ATP11C: variants seen among roughly 807,000 people sequenced by gnomAD.
The protein encoded by ATP11C is phospholipid-transporting ATPase IG.
ATP11C carries 36 observed loss-of-function variants against 97.4 expected under a neutral mutation model. That is an observed-to-expected ratio of 0.37 (90% CI 0.28 to 0.49). The LOEUF (loss-of-function observed/expected upper bound fraction) is 0.49, where lower values mean the gene tolerates loss of function less well. Ranked by LOEUF, ATP11C falls within the 20% of genes least tolerant of loss-of-function variation. The pLI is 0.98. For missense variants in ATP11C, 730 were observed against 824.6 expected (o/e 0.89, Z 1.40); for synonymous variants, 275 against 290.9 (o/e 0.95, Z 0.56).
intron 8 of ATP11C, 47 bp downstream of exon 8, chrX:139,800,013 A>G (rs1442627606): frequency 7.6e-6 from 3 of 397,133 alleles, no homozygotes; most frequent in East Asian, 5.1e-5. Context: ...AGAAAAATAG[A>G]CCCCCCCCCC....
chrX:139,809,519 G>A (rs2083121825), intron 5 of ATP11C, among the ~76,000 whole-genome samples: 1 of 112,239 alleles, frequency 8.9e-6, no homozygotes, highest in Admixed American at 9.5e-5. Context: ...AAGGGGCTGA[G>A]GAAGGGAGAA....
intron 20 of ATP11C, among the ~76,000 whole-genome samples, chrX:139,765,957 T>C (rs570212357): frequency 3.5e-4 from 39 of 112,134 alleles, no homozygotes; most frequent in Admixed American, 6.6e-4. Context: ...ATGTGGTATG[T>C]GGGAAGGCAA....
chrX:139,856,094 C>G (rs67042651), intron 1 of ATP11C, among the ~76,000 whole-genome samples: 5,305 of 112,659 alleles, frequency 0.047, 200 homozygotes, highest in East Asian at 0.29. Context: ...TCCGACCACA[C>G]GTTTAACAAA....
intron 22 of ATP11C, among the ~76,000 whole-genome samples, chrX:139,759,081 T>C (rs1019203587): frequency 1.8e-5 from 2 of 111,839 alleles, no homozygotes; most frequent in Admixed American, 9.5e-5. Context: ...ATGCAAAATA[T>C]AGTCCATAGT....
At chrX:139,931,403 G>A (rs1450610199) in intron 1 of ATP11C, among the ~76,000 whole-genome samples, 1 of 111,844 alleles carries the variant, frequency 8.9e-6, no homozygotes, top group Non-Finnish European at 1.9e-5. Flanking sequence ...CCTCGCGGCT[G>A]CACATCCACC....
intron 1 of ATP11C, among the ~76,000 whole-genome samples, chrX:139,923,258 T>C (rs1265778445): frequency 1.8e-5 from 2 of 111,884 alleles, no homozygotes; most frequent in Non-Finnish European, 3.8e-5. Context: ...CCTTCAGCCC[T>C]TTGGGTCCCC....
At chrX:139,755,796 C>A (rs1028606793) in intron 23 of ATP11C, among the ~76,000 whole-genome samples, 9 of 111,744 alleles carry the variant, frequency 8.1e-5, no homozygotes, top group African/African-American at 2.9e-4. Context: ...AAACTGGACC[C>A]GTTTCTTATG....
chrX:139,929,782 T>C (rs2085404960), intron 1 of ATP11C, among the ~76,000 whole-genome samples: 1 of 112,148 alleles, frequency 8.9e-6, no homozygotes, highest in South Asian at 3.7e-4. Context: ...TCTTTAATTC[T>C]AGTCTTCTAG....
Position 139,804,514 on chromosome X carries a change from C to G in ATP11C, c.512G>C (p.Cys171Ser). The change falls in exon 6 of 30, where the codon TGT becomes TCT. Residue 171 changes from cysteine (C) to serine (S), a missense_variant. Physicochemically the swap from Cys to Ser is moderately radical, Grantham distance 112. Transcript: ENST00000682941. ...LLSSCTTDGT[C>S]YVTTASLDGE... The stretch of plus-strand genomic sequence containing the variant: ...ATCAAGACTGGCTGTAGTGACATAA[C>G]AGGTTCCATCAGTGGTGCAAGATGA... The G allele has an allele frequency of 8.3e-7, 1 of 1,204,083 alleles. No individual in the cohort carries two copies. The highest frequency in any genetic ancestry group is 1.1e-6 in the Non-Finnish European group (1 of 889,406).
intron 1 of ATP11C, among the ~76,000 whole-genome samples, chrX:139,879,585 G>A (rs2084530592): frequency 9.0e-6 from 1 of 111,677 alleles, no homozygotes; most frequent in South Asian, 3.7e-4. Flanking sequence ...GGGCTCTAAT[G>A]TACACCATGG....
chrX:139,921,029 T>A (rs1258397500), intron 1 of ATP11C, among the ~76,000 whole-genome samples: 1 of 111,465 alleles, frequency 9.0e-6, no homozygotes, highest in Non-Finnish European at 1.9e-5. Context: ...GACTGCTAGG[T>A]TTTTAGCTTG....
intron 1 of ATP11C, among the ~76,000 whole-genome samples, chrX:139,914,842 C>G (rs1171294422): frequency 9.0e-6 from 1 of 111,720 alleles, no homozygotes; most frequent in African/African-American, 3.3e-5. Context: ...CTACATAAAC[C>G]CATGAGCCAA....
At chrX:139,860,615 C>T (rs1030747283) in intron 1 of ATP11C, among the ~76,000 whole-genome samples, 4 of 111,177 alleles carry the variant, frequency 3.6e-5, no homozygotes, top group African/African-American at 6.5e-5. Context: ...GTCAGAAGTT[C>T]GAGACCAGCC....
intron 1 of ATP11C, chrX:139,885,588 T>G (rs1188792465): frequency 8.9e-6 from 1 of 112,017 alleles, no homozygotes; most frequent in East Asian, 2.8e-4. Flanking sequence ...TTCATTTCTT[T>G]TATCCATGAT....
intron 12 of ATP11C, among the ~76,000 whole-genome samples, chrX:139,791,709 A>G (rs772372683): frequency 9.0e-6 from 1 of 110,999 alleles, no homozygotes; most frequent in East Asian, 2.8e-4. Context: ...ACTCAGAAAA[A>G]GAAGAGGAGT....
chrX:139,776,073 G>A (rs1160158684), intron 18 of ATP11C, among the ~76,000 whole-genome samples: 2 of 111,935 alleles, frequency 1.8e-5, no homozygotes, highest in African/African-American at 3.2e-5. Context: ...AAGAAATGTG[G>A]GCACAGTGAC....
intron 1 of ATP11C, among the ~76,000 whole-genome samples, chrX:139,906,853 G>T (rs189559193): frequency 1.4e-4 from 16 of 110,987 alleles, no homozygotes; most frequent in African/African-American, 4.9e-4. Context: ...CTTGCAGTAG[G>T]TGAATATGTG....
chrX:139,804,142 T>G (rs779331848), intron 6 of ATP11C, among the ~76,000 whole-genome samples: 2 of 111,523 alleles, frequency 1.8e-5, no homozygotes, highest in Non-Finnish European at 3.8e-5. Context: ...GTTATTTGTA[T>G]AGTCACACAG....
chrX:139,883,802 A>G (rs2084597404), intron 1 of ATP11C, among the ~76,000 whole-genome samples: 1 of 111,955 alleles, frequency 8.9e-6, no homozygotes, highest in Non-Finnish European at 1.9e-5. Flanking sequence ...CGAAGATATC[A>G]AAACCTAAAT....
Sources: allele counts gnomAD v4.1 joint callset (sites outside exome capture counted in the v4.1 genomes callset), GRCh38; gene constraint gnomAD v4.1.1; transcripts MANE v1.5; gene names NCBI Gene and HGNC (gene_info 2026-07-23, HGNC 2026-07-21).